The following TDP2 variants were observed in gnomAD, a reference collection of about 807,000 sequenced individuals.
TDP2 encodes tyrosyl-DNA phosphodiesterase 2.
In TDP2, 38 loss-of-function variants were observed where a neutral mutation model predicts 42.8. That is an observed-to-expected ratio of 0.89 (90% CI 0.68 to 1.16). The LOEUF is 1.16. Among genes scored for constraint, TDP2 ranks in the 50% most tolerant of loss-of-function variants. The probability of loss-of-function intolerance (pLI) is 0.00; values close to 1 mark genes in which losing one functional copy is unlikely to be tolerated. For synonymous variants in TDP2, 173 were observed against 150.6 expected, an observed-to-expected ratio of 1.15 and a Z score of -1.09; for missense variants, 439 against 439.3, an observed-to-expected ratio of 1.00 and a Z score of 0.01.
intron 4 of TDP2, among the ~76,000 whole-genome samples, chr6:24,654,992 C>T (rs911872959): frequency 2.6e-5 from 4 of 151,998 alleles, no homozygotes; most frequent in Admixed American, 1.3e-4. Context: ...GAGCTGAGAT[C>T]GTGCCATCGC....
chr6:24,652,463 A>G (rs1013654381), intron 6 of TDP2, among the ~76,000 whole-genome samples: 3 of 152,180 alleles, frequency 2.0e-5, no homozygotes, highest in African/African-American at 7.2e-5. Context: ...CTGTGTCTCA[A>G]CTGAGCTATA....
intron 2 of TDP2, among the ~76,000 whole-genome samples, chr6:24,659,535 T>G (rs929157280): frequency 2.6e-5 from 4 of 152,212 alleles, no homozygotes; most frequent in African/African-American, 4.8e-5. Flanking sequence ...GTTTGCTCAC[T>G]TAGGCAGTTA....
At chr6:24,666,126 T>C (rs1175306935) in intron 2 of TDP2, 1 of 1,549,072 alleles carries the variant, frequency 6.5e-7, no homozygotes, top group Non-Finnish European at 8.7e-7. Flanking sequence ...AACCTGTTAT[T>C]CTGGCCGGTC....
chr6:24,654,178 T>C (rs954864259), intron 5 of TDP2, among the ~76,000 whole-genome samples: 14 of 152,108 alleles, frequency 9.2e-5, no homozygotes, highest in Non-Finnish European at 1.5e-5. Flanking sequence ...AGGAAGCAAA[T>C]GTGGAATGTC....
At chr6:24,658,792 T>C in intron 2 of TDP2, 58 bp from the exon 3 acceptor site, 1 of 1,527,942 alleles carries the variant, frequency 6.5e-7, no homozygotes, top group Non-Finnish European at 8.9e-7. Flanking sequence ...GATTAAGAAT[T>C]ATTTTGTATT....
chr6:24,654,546 G>C lies in TDP2; in HGVS notation c.518-16C>G. ...TCTTCATGACCTACAAATGTTTGTG[G>C]AAAAGAATTTAGGCTGAGAAGGTGA... On this transcript the variant is annotated splice_polypyrimidine_tract_variant and intron_variant, in intron 4 of 6. Coordinates refer to ENST00000378198, the MANE Select transcript of TDP2 (RefSeq NM_016614.3). The C allele has an allele frequency of 7.3e-7, 1 of 1,371,446 alleles. No individual in the cohort carries two copies. The highest frequency in any genetic ancestry group is 1.0e-6 in the Non-Finnish European group (1 of 975,066). 85.0% of individuals were successfully genotyped at this position (1,371,446 alleles called of 1,614,324 possible).
At chr6:24,657,536 T>G (rs1055587492) in intron 4 of TDP2, among the ~76,000 whole-genome samples, 18 of 152,192 alleles carry the variant, frequency 1.2e-4, no homozygotes, top group African/African-American at 3.9e-4. Context: ...AGTTAAAACT[T>G]TTAACAACTG....
intron 2 of TDP2, among the ~76,000 whole-genome samples, chr6:24,660,318 T>G (rs9379681): frequency 0.022 from 3,330 of 152,254 alleles, 43 homozygotes; most frequent in South Asian, 0.059. Context: ...GCAAACATCA[T>G]AGAGAGAATT....
At chr6:24,658,497 C>T in intron 3 of TDP2, 64 bp downstream of exon 3, 1 of 1,354,690 alleles carries the variant, frequency 7.4e-7, no homozygotes, top group Non-Finnish European at 1.0e-6. Context: ...AGCCCACAAC[C>T]TTGAACTGTT....
At position 24,666,718 on chromosome 6, in the gene TDP2, C is replaced by A; in HGVS notation, c.145G>T (p.Glu49Ter). Residue 49 changes from glutamate (E) to a stop codon, truncating the protein, a stop_gained, in exon 1 of 7, where the codon GAG becomes TAG. Coordinates refer to ENST00000378198, the MANE Select transcript of TDP2 (RefSeq NM_016614.3). LOFTEE classifies it high-confidence loss of function. ...DAAVAQCFLA[E>*]NDWEMERALN... ...CGTACTTCCATCTCCCAGTCGTTCT[C>A]GGCCAGGAAGCACTGAGCCACTGCG... The A allele has an allele frequency of 6.2e-7, 1 of 1,614,248 alleles. No homozygotes were observed. Among genetic ancestry groups the A allele is most frequent in the African/African-American group, 1.3e-5 (1 of 75,076 alleles).
chr6:24,661,328 A>G (rs1489004436), intron 2 of TDP2, among the ~76,000 whole-genome samples: 2 of 152,098 alleles, frequency 1.3e-5, no homozygotes, highest in South Asian at 2.1e-4. Context: ...ATTGTAATCT[A>G]TTCCTACCAA....
At chr6:24,666,374 C>A in intron 2 of TDP2, 152 bp downstream of exon 2, 8 of 1,415,002 alleles carry the variant, frequency 5.7e-6, no homozygotes, top group Non-Finnish European at 6.8e-6. Context: ...CGCGCAGCAG[C>A]AGCAACGCAA....
intron 4 of TDP2, among the ~76,000 whole-genome samples, chr6:24,656,425 A>T (rs1269990270): frequency 6.6e-6 from 1 of 152,030 alleles, no homozygotes; most frequent in Non-Finnish European, 1.5e-5. Flanking sequence ...AAGAGAAATA[A>T]CAAAGATAAT....
At chr6:24,661,420 T>C (rs888119982) in intron 2 of TDP2, among the ~76,000 whole-genome samples, 1 of 152,266 alleles carries the variant, frequency 6.6e-6, no homozygotes, top group Non-Finnish European at 1.5e-5. Flanking sequence ...CCTTCTGGCA[T>C]GTCCCCAACA....
chr6:24,653,685 A>G (rs1012082741), intron 5 of TDP2, among the ~76,000 whole-genome samples: 1 of 152,338 alleles, frequency 6.6e-6, no homozygotes, highest in South Asian at 2.1e-4. Flanking sequence ...TGCAGAATCA[A>G]GTCTAATTCT....
intron 4 of TDP2, among the ~76,000 whole-genome samples, chr6:24,657,271 A>G (rs571516928): frequency 2.4e-4 from 36 of 152,302 alleles, no homozygotes; most frequent in African/African-American, 8.7e-4. Flanking sequence ...GAAACTGAGT[A>G]TGTGCGAATT....
intron 4 of TDP2, 102 bp from the exon 5 acceptor site, chr6:24,654,632 A>C (rs1461420076): frequency 6.0e-6 from 4 of 671,216 alleles, no homozygotes; most frequent in Non-Finnish European, 1.1e-5. Context: ...AACAGGTAAC[A>C]GATATTTACA....
At chr6:24,664,572 T>C (rs1029952836) in intron 2 of TDP2, among the ~76,000 whole-genome samples, 1 of 152,184 alleles carries the variant, frequency 6.6e-6, no homozygotes, top group African/African-American at 2.4e-5. Flanking sequence ...AGGAATTCAC[T>C]CCAGAATTGA....
chr6:24,666,636 G>A (rs774850927), intron 1 of TDP2, 25 bp from the exon 2 acceptor site: 2 of 1,614,090 alleles, frequency 1.2e-6, no homozygotes, highest in Non-Finnish European at 1.7e-6. Context: ...CACAAGGGAT[G>A]AGGTTTGTGC....
Sources: gnomAD v4.1 joint callset for allele counts (sites outside exome capture counted in the v4.1 genomes callset) on GRCh38, gnomAD v4.1.1 for gene constraint, MANE v1.5 for transcripts, NCBI Gene and HGNC (gene_info 2026-07-23, HGNC 2026-07-21) for gene names.